PCDHGA11: variants seen among roughly 807,000 people sequenced by gnomAD.
PCDHGA11 encodes the protein protocadherin gamma subfamily A, 11.
A neutral mutation model predicts 60.4 loss-of-function variants in PCDHGA11; 39 were observed. That is an observed-to-expected ratio of 0.65 (90% confidence interval 0.50 to 0.84). The LOEUF (loss-of-function observed/expected upper bound fraction) is 0.84, where lower values mean the gene tolerates loss of function less well. PCDHGA11 is among the 40% of genes least tolerant of loss of function. The pLI is 0.00. For missense variants in PCDHGA11, 1,165 were observed against 1,197.7 expected, an observed-to-expected ratio of 0.97 and a Z score of 0.40; for synonymous variants, 533 against 510.3, an observed-to-expected ratio of 1.04 and a Z score of -0.60.
At chr5:141,453,206 T>G (rs914064627) in intron 1 of PCDHGA11, among the ~76,000 whole-genome samples, 8 of 152,102 alleles carry the variant, frequency 5.3e-5, no homozygotes, top group African/African-American at 1.9e-4. Context: ...CTCAACCTCG[T>G]GCACTTAAGC....
rs2099419063 is a variant in PCDHGA11 at position 141,477,824 on chromosome 5, C to G, written c.2434-16983C>G. On this transcript the variant is annotated intron_variant, in intron 1 of 3. Coordinates refer to ENST00000398587, the MANE Select transcript of PCDHGA11 (RefSeq NM_018914.3). This position sits in a 1 kb window ranked among gnomAD's most constrained non-coding sequence, Gnocchi z 4.9. ...TGACAATGCCCCCCAGGTCCTATAT[C>G]CTCGGCCAGGTGGGAGCTCGGTGGA... is the stretch of plus-strand genomic sequence containing the variant. 5.6e-6 allele frequency: 9 copies of G among 1,614,196 alleles called. No individual in the cohort carries two copies. The highest frequency in any genetic ancestry group is 5.9e-6 in the Non-Finnish European group (7 of 1,180,034).
At chr5:141,496,310 A>G (rs1446146598) in intron 2 of PCDHGA11, among the ~76,000 whole-genome samples, 1 of 152,218 alleles carries the variant, frequency 6.6e-6, no homozygotes, top group East Asian at 1.9e-4. Context: ...GCTCTGCGCC[A>G]GGCCTCCCAG....
intron 2 of PCDHGA11, among the ~76,000 whole-genome samples, chr5:141,501,102 C>G (rs951290710): frequency 2.0e-5 from 3 of 152,014 alleles, no homozygotes; most frequent in African/African-American, 4.8e-5. Flanking sequence ...CTCTTGACCT[C>G]GTGATCCGCC....
Position 141,477,991 on chromosome 5 carries a change from T to C in PCDHGA11, c.2434-16816T>C, listed in dbSNP as rs774877878. On this transcript the variant is annotated intron_variant, in intron 1 of 3. Transcript: ENST00000398587. The surrounding 1 kb of genome is among the most constrained non-coding windows in gnomAD (Gnocchi z 4.9). The stretch of plus-strand genomic sequence containing the variant: ...GCCTTTTTGCCATAGGGCTGCACAC[T>C]GGTCAAATCAGTACTGCCCGTCCAG... 2 of 1,614,134 alleles carry C rather than the reference T, an allele frequency of 1.2e-6. No individual in the cohort carries two copies. Among genetic ancestry groups the C allele is most frequent in the South Asian group, 2.2e-5 (2 of 91,082 alleles).
chr5:141,510,802 C>T (rs1358684730), intron 3 of PCDHGA11, 145 bp from the exon 4 acceptor site: 1 of 1,497,192 alleles, frequency 6.7e-7, no homozygotes, highest in African/African-American at 1.4e-5. Context: ...AGAGAGACTA[C>T]CTTGGTGACC....
At chr5:141,495,605 T>G (rs1201224193) in intron 2 of PCDHGA11, among the ~76,000 whole-genome samples, 2 of 152,228 alleles carry the variant, frequency 1.3e-5, no homozygotes, top group African/African-American at 2.4e-5. Context: ...GCTTCCGTCT[T>G]GATTGCTGCA....
rs922668811 is a variant in PCDHGA11 at position 141,432,984 on chromosome 5, G to A, written c.2433+9324G>A. On this transcript the variant is annotated intron_variant, in intron 1 of 3. Transcript: ENST00000398587. This position sits in a 1 kb window ranked among gnomAD's most constrained non-coding sequence, Gnocchi z 6.0. ...GGAGCGCCGGCGTCGCACTTTGTGG[G>A]CGTGGACGGGGTGCAGGCTTTCCTG... 1.9e-6 allele frequency: 3 copies of A among 1,614,214 alleles called. No individual in the cohort carries two copies. Among genetic ancestry groups the A allele is most frequent in the Admixed American group, 1.7e-5 (1 of 60,028 alleles).
intron 1 of PCDHGA11, among the ~76,000 whole-genome samples, chr5:141,455,732 A>G (rs1056074268): frequency 6.6e-6 from 1 of 152,190 alleles, no homozygotes; most frequent in Non-Finnish European, 1.5e-5. Context: ...CTGCATTTGC[A>G]TATCAAAGGT....
intron 1 of PCDHGA11, chr5:141,430,875 T>A (rs1323872183): frequency 6.3e-7 from 1 of 1,599,400 alleles, no homozygotes; most frequent in Non-Finnish European, 8.5e-7. Context: ...CCGGAAGAGC[T>A]GGAGAAAGGC....
At position 141,489,378 on chromosome 5, in the gene PCDHGA11, G is replaced by A. The variant is rs1562129701; in HGVS notation, c.2434-5429G>A. ...AGTCTGAGCCGGGGACGCTGGTGGGGAATGTTGCTCAGGATCTGGGCTTAA... is the reference window on the plus strand; with the variant it reads ...AGTCTGAGCCGGGGACGCTGGTGGGAAATGTTGCTCAGGATCTGGGCTTAA... On this transcript the variant is annotated intron_variant, in intron 1 of 3. Coordinates refer to ENST00000398587, the MANE Select transcript of PCDHGA11 (RefSeq NM_018914.3). The surrounding 1 kb of genome is among the most constrained non-coding windows in gnomAD (Gnocchi z 4.5). 1.2e-6 allele frequency: 2 copies of A among 1,613,908 alleles called. No homozygotes were observed. The highest frequency in any genetic ancestry group is 3.3e-5 in the Admixed American group (2 of 60,026).
chr5:141,478,137 G>A (rs762316494), intron 1 of PCDHGA11: 13 of 1,613,872 alleles, frequency 8.1e-6, no homozygotes, highest in African/African-American at 8.0e-5. Context: ...CCTGAAGCCC[G>A]AGCCGAGTTC....
At chr5:141,435,805 T>C (rs2097780946) in intron 1 of PCDHGA11, among the ~76,000 whole-genome samples, 1 of 152,178 alleles carries the variant, frequency 6.6e-6, no homozygotes, top group African/African-American at 2.4e-5. Flanking sequence ...GTCCCAATTA[T>C]TTTTTCTTTC....
chr5:141,498,807 C>T (rs113587634), intron 2 of PCDHGA11, among the ~76,000 whole-genome samples: 5,552 of 152,138 alleles, frequency 0.036, 136 homozygotes, highest in South Asian at 0.073. Context: ...GTGGTGCACA[C>T]CTGTAGTCCC....
Position 141,487,491 on chromosome 5 carries a change from C to T in PCDHGA11, c.2434-7316C>T. ...GTGGGAGGCCACTCTCATGGCTGTA[C>T]ACCCTTGGCTTCTGCACCCACTCGG... is the stretch of plus-strand genomic sequence containing the variant. On this transcript the variant is annotated intron_variant, in intron 1 of 3. Transcript: ENST00000398587. This position sits in a 1 kb window ranked among gnomAD's most constrained non-coding sequence, Gnocchi z 5.0. 6.2e-7 allele frequency: 1 copy of T among 1,614,204 alleles called. No individual in the cohort carries two copies. Among genetic ancestry groups the T allele is most frequent in the Non-Finnish European group, 8.5e-7 (1 of 1,180,034 alleles).
intron 1 of PCDHGA11, among the ~76,000 whole-genome samples, chr5:141,484,645 T>C (rs948669787): frequency 1.3e-5 from 2 of 151,970 alleles, no homozygotes; most frequent in Admixed American, 6.6e-5. Context: ...CACTCTCCAA[T>C]GGCTACTCTC....
chr5:141,491,390 T>G lies in PCDHGA11; in HGVS notation c.2434-3417T>G. 1 of 1,614,130 alleles carries G rather than the reference T, an allele frequency of 6.2e-7. No individual in the cohort carries two copies. Among genetic ancestry groups the G allele is most frequent in the Admixed American group, 1.7e-5 (1 of 60,028 alleles). ...TTCACCTTTCTGTCAGCGAAGTGCC[T>G]TCAGGGAAACGCAGACGGGGACGGG... On this transcript the variant is annotated intron_variant, in intron 1 of 3. Transcript: ENST00000398587. The surrounding 1 kb of genome is among the most constrained non-coding windows in gnomAD (Gnocchi z 6.9).
chr5:141,456,043 G>A (rs62379189), intron 1 of PCDHGA11, among the ~76,000 whole-genome samples: 6,917 of 151,746 alleles, frequency 0.046, 202 homozygotes, highest in Middle Eastern at 0.086. Flanking sequence ...GACTACAGGC[G>A]CCCACCACCA....
Position 141,490,975 on chromosome 5 carries a change from C to T in PCDHGA11, c.2434-3832C>T. 1 of 1,614,056 alleles carries T rather than the reference C, an allele frequency of 6.2e-7. No individual in the cohort carries two copies. Among genetic ancestry groups the T allele is most frequent in the African/African-American group, 1.3e-5 (1 of 75,070 alleles). ...CTGGGAACACTCAGCCCCCCAGCGT[C>T]TCCCTCGCTCTGCTCCTCCTGGCTC... On this transcript the variant is annotated intron_variant, in intron 1 of 3. Coordinates refer to ENST00000398587, the MANE Select transcript of PCDHGA11 (RefSeq NM_018914.3). This position sits in a 1 kb window ranked among gnomAD's most constrained non-coding sequence, Gnocchi z 5.4.
Position 141,421,860 on chromosome 5 carries a change from C to G in PCDHGA11, c.633C>G (p.Leu211=). Residue 211 remains leucine, a synonymous_variant, in exon 1 of 4, where the codon CTC becomes CTG. Transcript: ENST00000398587. ...LDREKEAAHL[L]LLTALDGGDP... is the part of the protein sequence containing the mutation. ...GAGAGAAAGAGGCTGCTCACCTGCT[C>G]CTCCTCACAGCTTTAGATGGAGGCG... The G allele has an allele frequency of 8.1e-6, 13 of 1,613,750 alleles. No individual in the cohort carries two copies. Among genetic ancestry groups the G allele is most frequent in the Non-Finnish European group, 1.1e-5 (13 of 1,179,880 alleles).
Sources: gnomAD v4.1 joint callset for allele counts (sites outside exome capture counted in the v4.1 genomes callset) on GRCh38, gnomAD v4.1.1 for gene constraint, Gnocchi (gnomAD v3.1) non-coding constraint, MANE v1.5 for transcripts, NCBI Gene and HGNC (gene_info 2026-07-23, HGNC 2026-07-21) for gene names.